STAM2: variants seen among roughly 807,000 people sequenced by gnomAD.
STAM2 encodes signal transducing adapter molecule 2.
In STAM2, 51 loss-of-function variants were observed where a neutral mutation model predicts 65.6. The observed-to-expected ratio is 0.78, with a 90% CI of 0.62 to 0.98. STAM2 has a LOEUF of 0.98. Among genes scored for constraint, STAM2 ranks in the 50% least tolerant of loss-of-function variants. The pLI, the probability that STAM2 is intolerant of heterozygous loss-of-function variation, is 0.00. For missense variants in STAM2, 584 were observed against 617.8 expected (o/e 0.95, Z 0.58); for synonymous variants, 198 against 208.4 (o/e 0.95, Z 0.43).
intron 1 of STAM2, among the ~76,000 whole-genome samples, chr2:152,165,191 C>T (rs539851930): frequency 3.3e-5 from 5 of 152,018 alleles, no homozygotes; most frequent in East Asian, 1.9e-4. Context: ...TTTGGGAGGC[C>T]GAGGCGGGCA....
chr2:152,169,510 C>A (rs1689860305), intron 1 of STAM2, among the ~76,000 whole-genome samples: 1 of 152,078 alleles, frequency 6.6e-6, no homozygotes, highest in Admixed American at 6.5e-5. Context: ...CTCCTGAGAT[C>A]AAGCAATCCA....
At chr2:152,122,779 T>G (rs1472647803) in intron 13 of STAM2, among the ~76,000 whole-genome samples, 1 of 152,016 alleles carries the variant, frequency 6.6e-6, no homozygotes, top group African/African-American at 2.4e-5. Flanking sequence ...AAAAAAGAAC[T>G]ATAGGGCTGG....
chr2:152,138,717 G>C (rs1172142770), intron 7 of STAM2, among the ~76,000 whole-genome samples: 1 of 152,136 alleles, frequency 6.6e-6, no homozygotes, highest in Non-Finnish European at 1.5e-5. Context: ...CTGATGTATT[G>C]ATGTACTGAC....
rs200914607 is a variant in STAM2 at position 152,120,534 on chromosome 2, T to C, written c.*40A>G. ...GGTTGGTATCACAAGGACTGAATAA[T>C]ACACTTATGAAGGCTTTCAAGAAAA... On this transcript the variant is annotated 3_prime_UTR_variant, in exon 14 of 14. Coordinates refer to ENST00000263904, the MANE Select transcript of STAM2 (RefSeq NM_005843.6). 5.2e-5 allele frequency: 82 copies of C among 1,570,682 alleles called. No individual in the cohort carries two copies. Among genetic ancestry groups the C allele is most frequent in the East Asian group, 6.7e-5 (3 of 44,614 alleles).
chr2:152,174,809 CT>C (rs1241927205), intron 1 of STAM2, among the ~76,000 whole-genome samples: 1 of 152,186 alleles, frequency 6.6e-6, no homozygotes, highest in Non-Finnish European at 1.5e-5. Flanking sequence ...GAGACCCAGA[CT>C]TTCGAGAATA....
chr2:152,151,632 A>C (rs1056636058), intron 1 of STAM2, among the ~76,000 whole-genome samples: 5 of 152,214 alleles, frequency 3.3e-5, no homozygotes, highest in African/African-American at 1.2e-4. Context: ...AATCACTTCC[A>C]AAAGAAATCC....
intron 1 of STAM2, among the ~76,000 whole-genome samples, chr2:152,171,539 A>G (rs1344743382): frequency 6.6e-6 from 1 of 152,244 alleles, no homozygotes; most frequent in Non-Finnish European, 1.5e-5. Flanking sequence ...ATCTATTTTT[A>G]TATTGGGATT....
chr2:152,139,039 C>T (rs532255044), intron 7 of STAM2, among the ~76,000 whole-genome samples: 1 of 152,258 alleles, frequency 6.6e-6, no homozygotes, highest in East Asian at 1.9e-4. Context: ...AACTCCTTCC[C>T]AGCCCTAATC....
chr2:152,146,782 G>A (rs1280960085), intron 5 of STAM2, among the ~76,000 whole-genome samples: 1 of 152,138 alleles, frequency 6.6e-6, no homozygotes, highest in East Asian at 1.9e-4. Flanking sequence ...ACAGTATGCA[G>A]TCTATTCCCC....
At position 152,156,064 on chromosome 2, in the gene STAM2, A is replaced by T. The variant is rs34776927; in HGVS notation, c.41-5835T>A. 1.3e-3 allele frequency among the ~76,000 whole-genome samples: 204 copies of T among 152,288 alleles called. 1 individual carries two copies. Among genetic ancestry groups the T allele is most frequent in the Middle Eastern group, 0.01 (3 of 294 alleles). ...TAATAACCTACCTAGTCCAGCTAGA[A>T]CTCAACTTTTCATGATATTTTTCCA... On this transcript the variant is annotated intron_variant, in intron 1 of 13. Coordinates refer to ENST00000263904, the MANE Select transcript of STAM2 (RefSeq NM_005843.6).
chr2:152,124,891 G>T (rs945643112), intron 12 of STAM2, among the ~76,000 whole-genome samples: 3 of 152,142 alleles, frequency 2.0e-5, no homozygotes, highest in African/African-American at 7.2e-5. Flanking sequence ...TACCCCAACT[G>T]CTTCTAGTAG....
chr2:152,123,723 GAAAATTAACACATAT>G (rs768984537), intron 13 of STAM2, 28 bp downstream of exon 13: 23 of 1,583,972 alleles, frequency 1.5e-5, no homozygotes, highest in Admixed American at 5.1e-5. Flanking sequence ...GAAAATCTAG[GAAAATTAACACATAT>G]AAAATTAACA....
At position 152,161,522 on chromosome 2, in the gene STAM2, T is replaced by C. The variant is rs1411036437; in HGVS notation, c.41-11293A>G. Among the ~76,000 whole-genome samples the C allele has an allele frequency of 2.7e-5, 4 of 148,606 alleles. No homozygotes were observed. The East Asian group carries it at 7.9e-4, about 29-fold the overall frequency. On this transcript the variant is annotated intron_variant, in intron 1 of 13. Transcript: ENST00000263904. ...AAAAAAAAAAAAAAAAAAAACATTA[T>C]ATATACTTACTAGGTTTCTAGACTA...
At chr2:152,127,621 T>G (rs2105530624) in intron 11 of STAM2, among the ~76,000 whole-genome samples, 1 of 151,530 alleles carries the variant, frequency 6.6e-6, no homozygotes, top group South Asian at 2.1e-4. Context: ...CCTACTTAAA[T>G]AATTATCCTT....
At chr2:152,128,328 G>C (rs1356967634) in intron 11 of STAM2, among the ~76,000 whole-genome samples, 4 of 151,976 alleles carry the variant, frequency 2.6e-5, no homozygotes, top group Non-Finnish European at 5.9e-5. Flanking sequence ...GAAGAGAATG[G>C]TGTGAACCCA....
intron 1 of STAM2, among the ~76,000 whole-genome samples, chr2:152,168,142 A>G (rs753120132): frequency 6.0e-5 from 9 of 151,224 alleles, no homozygotes; most frequent in African/African-American, 2.2e-4. Flanking sequence ...ATCCTACCCT[A>G]CATACTTATA....
intron 7 of STAM2, among the ~76,000 whole-genome samples, chr2:152,141,322 G>A (rs1689243022): frequency 6.6e-6 from 1 of 151,802 alleles, no homozygotes; most frequent in South Asian, 2.1e-4. Context: ...GATTACCTGA[G>A]GTCAGGAGTT....
chr2:152,149,013 C>G (rs940203404), intron 2 of STAM2, among the ~76,000 whole-genome samples: 1 of 152,152 alleles, frequency 6.6e-6, no homozygotes, highest in African/African-American at 2.4e-5. Context: ...AATGTTAAAA[C>G]AAATGCTTTC....
intron 1 of STAM2, among the ~76,000 whole-genome samples, chr2:152,154,555 T>C (rs1412926711): frequency 1.3e-5 from 2 of 151,836 alleles, no homozygotes; most frequent in African/African-American, 4.8e-5. Context: ...GAGGTCGAGG[T>C]TGCAGTGAGA....
Sources: gnomAD v4.1 joint callset for allele counts (sites outside exome capture counted in the v4.1 genomes callset) on GRCh38, gnomAD v4.1.1 for gene constraint, MANE v1.5 for transcripts, NCBI Gene and HGNC (gene_info 2026-07-23, HGNC 2026-07-21) for gene names.